The following TTN variants were observed in gnomAD, a reference collection of about 807,000 sequenced individuals.
TTN encodes the protein titin.
Under a neutral mutation model 3,223.0 loss-of-function variants are expected in TTN, and 1,525 were observed. The ratio of observed to expected loss-of-function variants is 0.47; its 90% CI spans 0.45 to 0.49. The LOEUF is 0.49. TTN is among the 20% of genes least tolerant of loss of function. The pLI, the probability that TTN is intolerant of heterozygous loss-of-function variation, is 0.00. For missense variants in TTN, 40,786 were observed against 43,424.0 expected, an observed-to-expected ratio of 0.94 and a Z score of 5.40; for synonymous variants, 14,094 against 15,161.0, an observed-to-expected ratio of 0.93 and a Z score of 5.17.
rs371453711 is a variant in TTN, at chr2:178,740,753, G to A, written c.12480C>T (p.Thr4160=). 6.2e-7 allele frequency: 1 copy of A among 1,613,620 alleles called. No homozygotes were observed. The highest frequency in any genetic ancestry group is 1.3e-5 in the African/African-American group (1 of 74,888). Residue 4160 remains threonine (T), a synonymous_variant, in exon 48 of 363, where the codon ACC becomes ACT. Transcript: ENST00000589042. ...GCATTAGAATACCTTCTTTGGAGAA[G>A]GTTTTCTGGGACTGTACAATCTGCA... ...LQLQIVQSQK[T]FSKEGILMPE...
At chr2:178,538,039 C>T in intron 354 of TTN, 122 bp from the exon 355 acceptor site, 1 of 955,122 alleles carries the variant, frequency 1.0e-6, no homozygotes, top group Non-Finnish European at 1.5e-6. Flanking sequence ...ACATATTAGC[C>T]TAATTCTTAA....
intron 173 of TTN, 87 bp downstream of exon 173, chr2:178,663,179 C>T (rs922973093): frequency 1.9e-6 from 3 of 1,599,672 alleles, no homozygotes; most frequent in Admixed American, 1.7e-5. Context: ...ATTATATCAT[C>T]TTTATGTAGT....
chr2:178,712,087 G>A lies in TTN; in HGVS notation c.27743C>T (p.Thr9248Ile), dbSNP rs397517523. 6.2e-7 allele frequency: 1 copy of A among 1,613,808 alleles called. No individual in the cohort carries two copies. The highest frequency in any genetic ancestry group is 8.5e-7 in the Non-Finnish European group (1 of 1,179,780). The change falls in exon 96 of 363, where the codon ACT becomes ATT. Residue 9248 changes from threonine (T) to isoleucine (I), a missense_variant. By Grantham distance (89) the Thr-to-Ile change is moderately conservative. Transcript: ENST00000589042. ...CCTAAAATGCATTTTGTAAGTCGTA[G>A]TGGGTCTCAATTTTGTATCTCCTTT... The part of the protein sequence containing the change: ...WYKGDTKLRP[T>I]TTYKMHFRNN...
At chr2:178,742,582 A>T (rs1005265161) in intron 47 of TTN, among the ~76,000 whole-genome samples, 8 of 152,178 alleles carry the variant, frequency 5.3e-5, no homozygotes, top group Non-Finnish European at 8.8e-5. Context: ...AAGAGAAAAC[A>T]ACTCCAATAT....
chr2:178,728,643 C>G lies in TTN; in HGVS notation c.19283G>C (p.Ser6428Thr). ...WLKDGKQIVP[S>T]RYFSMSFENN... is the part of the protein sequence containing the mutation. The stretch of plus-strand genomic sequence containing the variant: ...TTCAAAACTCATTGAAAAGTATCTA[C>G]TGGGAACTATTTGTTTCCCGTCTTT... The change falls in exon 66 of 363, where the codon AGT becomes ACT. Residue 6428 changes from serine to threonine, a missense_variant. By Grantham distance (58) the Ser-to-Thr change is moderately conservative (BLOSUM62 1). Transcript: ENST00000589042. 6.2e-7 allele frequency: 1 copy of G among 1,613,318 alleles called. No individual in the cohort carries two copies. Among genetic ancestry groups the G allele is most frequent in the South Asian group, 1.1e-5 (1 of 91,064 alleles).
chr2:178,567,724 C>T lies in TTN; in HGVS notation c.78408G>A (p.Met26136Ile). The T allele has an allele frequency of 6.2e-7, 1 of 1,612,320 alleles. No individual in the cohort carries two copies. Residue 26136 changes from methionine (M) to isoleucine (I), a missense_variant, in exon 326 of 363, where the codon ATG (methionine) becomes ATA (isoleucine). By Grantham distance (10) the Met-to-Ile change is conservative (BLOSUM62 1). Coordinates refer to ENST00000589042, the MANE Select transcript of TTN (RefSeq NM_001267550.2). The part of the protein sequence containing the change: ...EKRDLPDGRW[M>I]KASFTNVIET... ...CAATGACATTTGTAAAGCTAGCTTT[C>T]ATCCAACGACCATCAGGCAAATCAC...
Position 178,723,693 on chromosome 2 carries a change from G to A in TTN, c.21407C>T (p.Pro7136Leu), listed in dbSNP as rs775519360. 4.5e-6 allele frequency: 7 copies of A among 1,566,738 alleles called. No homozygotes were observed. In the South Asian group the frequency reaches 8.6e-5, roughly 19 times the overall value. ...ECRAVLTVQE[P>L]PSFVKEPEPL... ...TTCAGGTTCTTTCACAAAAGAGGGTGGTTCTATATAGACATGGAGAACAAT... is the reference window on the plus strand; with the variant it reads ...TTCAGGTTCTTTCACAAAAGAGGGTAGTTCTATATAGACATGGAGAACAAT... Residue 7136 changes from proline (P) to leucine (L), a missense_variant, in exon 74 of 363, where the codon CCA (proline) becomes CTA (leucine). Transcript: ENST00000589042.
chr2:178,569,907 G>C lies in TTN; in HGVS notation c.76225C>G (p.Pro25409Ala). The part of the protein sequence containing the change: ...ACDPIYKPGP[P>A]NNPKVIDITR... ...ATGTCTATGACTTTGGGGTTGTTTG[G>C]GGGTCCTGGTTTATAAATAGGATCA... The change falls in exon 326 of 363, where the codon CCA becomes GCA. Residue 25409 changes from proline to alanine, a missense_variant. Transcript: ENST00000589042. 1 of 1,613,296 alleles carries C rather than the reference G, an allele frequency of 6.2e-7. No individual in the cohort carries two copies. The highest frequency in any genetic ancestry group is 8.5e-7 in the Non-Finnish European group (1 of 1,179,576).
rs1242722644 is a variant in TTN, at chr2:178,641,331, G to A, written c.40559-16C>T. 7.2e-7 allele frequency: 1 copy of A among 1,388,606 alleles called. No individual in the cohort carries two copies. Among genetic ancestry groups the A allele is most frequent in the Non-Finnish European group, 9.7e-7 (1 of 1,028,808 alleles). 86.0% of individuals were successfully genotyped at this position (1,388,606 alleles called of 1,614,324 possible). ...TTTCTTAGAACTTTAAAGACAAAAA[G>A]GTTTATATGTAAACCAAGACAAACT... is the stretch of plus-strand genomic sequence containing the variant. On this transcript the variant is annotated splice_polypyrimidine_tract_variant and intron_variant, in intron 219 of 362. Transcript: ENST00000589042.
At position 178,766,598 on chromosome 2, in the gene TTN, C is replaced by T. The variant is rs768927616; in HGVS notation, c.9486G>A (p.Gln3162=). ...TGACCTCAAATTCAACAACAGCACG[C>T]TGTTTCTCAATGACCTGTTGATGGA... The part of the protein sequence containing the change: ...IKKEVQVIEK[Q]RAVVEFEVNE... Residue 3162 remains glutamine (Q), a synonymous_variant, in exon 41 of 363, where the codon CAG becomes CAA. Coordinates refer to ENST00000589042, the MANE Select transcript of TTN (RefSeq NM_001267550.2). 19 of 1,613,672 alleles carry T rather than the reference C, an allele frequency of 1.2e-5. No homozygotes were observed. The Admixed American group carries it at 3.2e-4, about 27-fold the overall frequency.
intron 326 of TTN, chr2:178,558,854 G>A (rs1303056312): frequency 3.8e-6 from 2 of 525,522 alleles, no homozygotes; most frequent in Non-Finnish European, 6.5e-6. Context: ...CAAATTAAGG[G>A]TAAAATGACC....
rs1207560844 is a variant in TTN, at chr2:178,741,546, T to C, written c.11687A>G (p.Asn3896Ser). ...ACTACATATTGTCTTTCCATAGTCATTACTGGCCATACATGTATACTCTCC... is the reference window on the plus strand; with the variant it reads ...ACTACATATTGTCTTTCCATAGTCACTACTGGCCATACATGTATACTCTCC... ...DEGEYTCMAS[N>S]DYGKTICSAY... Residue 3896 changes from asparagine to serine, a missense_variant, in exon 48 of 363, where the codon AAT (asparagine) becomes AGT (serine). Transcript: ENST00000589042. 2.5e-6 allele frequency: 4 copies of C among 1,613,796 alleles called. No individual in the cohort carries two copies. Among genetic ancestry groups the C allele is most frequent in the Admixed American group, 1.7e-5 (1 of 59,988 alleles).
rs757919433 is a variant in TTN, at chr2:178,577,691, T to C, written c.68735A>G (p.Tyr22912Cys). The C allele has an allele frequency of 3.7e-6, 6 of 1,613,224 alleles. No homozygotes were observed. The African/African-American group carries it at 8.0e-5, about 22-fold the overall frequency. The change falls in exon 323 of 363, where the codon TAT becomes TGT. Residue 22912 changes from tyrosine to cysteine, a missense_variant. Physicochemically the swap from Tyr to Cys is radical, Grantham distance 194 (BLOSUM62 -2). Coordinates refer to ENST00000589042, the MANE Select transcript of TTN (RefSeq NM_001267550.2). ...ATTCTTTGCTCTAATTCTGAATTCA[T>C]ATTTTCCACCCTCAACAAGGTCAGT... ...TVTDLVEGGKYEFRIRAKNTA... is the reference protein window; with the variant it reads ...TVTDLVEGGKCEFRIRAKNTA...
In TTN at chr2:178,733,010, G is replaced by A. The variant is rs780968460; in HGVS notation, c.16166C>T (p.Ser5389Phe). 1.2e-6 allele frequency: 2 copies of A among 1,613,440 alleles called. No homozygotes were observed. The highest frequency in any genetic ancestry group is 1.1e-5 in the South Asian group (1 of 91,064). Residue 5389 changes from serine to phenylalanine, a missense_variant, in exon 55 of 363, where the codon TCC becomes TTC. By Grantham distance (155) the Ser-to-Phe change is radical (BLOSUM62 -2). Coordinates refer to ENST00000589042, the MANE Select transcript of TTN (RefSeq NM_001267550.2). ...KIAGSLPMRV[S>F]WFKDGKEIAA... is the part of the protein sequence containing the mutation. The stretch of plus-strand genomic sequence containing the variant: ...TATTTCTTTGCCATCCTTAAACCAG[G>A]ACACCCTCATGGGGAGGGAGCCTGC...
Position 178,635,981 on chromosome 2 carries a change from A to G in TTN, c.41590T>C (p.Ser13864Pro). The G allele has an allele frequency of 1.2e-6, 2 of 1,601,896 alleles. No individual in the cohort carries two copies. The highest frequency in any genetic ancestry group is 1.7e-6 in the Non-Finnish European group (2 of 1,172,124). The change falls in exon 226 of 363, where the codon TCT becomes CCT. Residue 13864 changes from serine to proline, a missense_variant. Coordinates refer to ENST00000589042, the MANE Select transcript of TTN (RefSeq NM_001267550.2). ...TACTAACCTACTACTTTTACGCAAG[A>G]TGAACACTCCAGGTTGTTGGCGTTT... ...VENANNLECS[S>P]CVKVVEVIRD...
At chr2:178,624,386 CA>C (rs2058725246) in intron 242 of TTN, 78 bp downstream of exon 242, 1 of 1,585,916 alleles carries the variant, frequency 6.3e-7, no homozygotes, top group East Asian at 2.3e-5. Flanking sequence ...GAAGGGCATG[CA>C]AAAAGTGTTG....
At chr2:178,666,952 G>A (rs923470206) in intron 162 of TTN, 51 bp from the exon 163 acceptor site, 2 of 1,303,862 alleles carry the variant, frequency 1.5e-6, no homozygotes, top group Admixed American at 5.6e-5. Flanking sequence ...AAGGCATAAA[G>A]ACATGACATA....
chr2:178,701,644 A>G, intron 109 of TTN, 57 bp from the exon 110 acceptor site: 1 of 1,538,748 alleles, frequency 6.5e-7, no homozygotes, highest in South Asian at 1.1e-5. Context: ...TTTATTAGAA[A>G]ACTAAGGTGT....
intron 180 of TTN, among the ~76,000 whole-genome samples, chr2:178,660,957 A>G (rs1468803794): frequency 7.8e-6 from 1 of 128,394 alleles, no homozygotes; most frequent in Non-Finnish European, 1.7e-5. Context: ...GAGAAATGCA[A>G]ATCAAAACCA....
Sources: allele counts gnomAD v4.1 joint callset (sites outside exome capture counted in the v4.1 genomes callset), GRCh38; gene constraint gnomAD v4.1.1; transcripts MANE v1.5; gene names NCBI Gene and HGNC (gene_info 2026-07-23, HGNC 2026-07-21).